Variants in POLA1 observed in about 807,000 individuals in gnomAD.
The protein encoded by POLA1 is DNA polymerase alpha 1, catalytic subunit.
POLA1 carries 15 observed loss-of-function variants against 124.0 expected under a neutral mutation model. That is an observed-to-expected ratio of 0.12 (90% CI 0.08 to 0.19). The LOEUF is 0.19. Ranked by LOEUF, POLA1 falls within the 10% of genes least tolerant of loss-of-function variation. The pLI is 1.00. For synonymous variants in POLA1, 408 were observed against 389.4 expected (o/e 1.05, Z -0.56); for missense variants, 886 against 1,103.4 (o/e 0.80, Z 2.79).
At chrX:24,782,284 A>C (rs779117925) in intron 26 of POLA1, among the ~76,000 whole-genome samples, 1 of 112,172 alleles carries the variant, frequency 8.9e-6, no homozygotes, top group East Asian at 2.8e-4. Context: ...TAGATAATCC[A>C]TGATTAGGAC....
At chrX:24,969,885 C>A (rs1161402556) in intron 36 of POLA1, among the ~76,000 whole-genome samples, 2 of 111,413 alleles carry the variant, frequency 1.8e-5, no homozygotes, top group African/African-American at 6.5e-5. Flanking sequence ...GTGTTCTCAT[C>A]ATTCAGCTCC....
Position 24,706,760 on chromosome X carries a change from T to C in POLA1, c.346+2291T>C, listed in dbSNP as rs184389899. On this transcript the variant is annotated intron_variant, in intron 4 of 36. Coordinates refer to ENST00000379068, the MANE Select transcript of POLA1 (RefSeq NM_001330360.2). Reference sequence around the variant, plus strand: ...ATATCCTAAGGGTCTATAGTCAGAGTATTGTGTTCAGAAGCTATATAAAGT... The same window carrying C: ...ATATCCTAAGGGTCTATAGTCAGAGCATTGTGTTCAGAAGCTATATAAAGT... Among the ~76,000 whole-genome samples, 53 of 112,049 alleles carry C rather than the reference T, an allele frequency of 4.7e-4. 1 individual carries two copies. In the South Asian group the frequency reaches 0.015, roughly 31 times the overall value.
intron 35 of POLA1, among the ~76,000 whole-genome samples, chrX:24,905,653 C>A (rs1178414012): frequency 9.5e-6 from 1 of 105,679 alleles, no homozygotes; most frequent in Non-Finnish European, 1.9e-5. Flanking sequence ...ACCTCCGGTC[C>A]CCGGGCTTAA....
chrX:24,971,565 C>G (rs1422560602), intron 36 of POLA1, among the ~76,000 whole-genome samples: 1 of 112,132 alleles, frequency 8.9e-6, no homozygotes, highest in African/African-American at 3.2e-5. Flanking sequence ...TTGCCTCACA[C>G]TGTCCCCTGG....
At chrX:24,862,966 G>A (rs2046737856) in intron 34 of POLA1, among the ~76,000 whole-genome samples, 2 of 111,780 alleles carry the variant, frequency 1.8e-5, no homozygotes, top group African/African-American at 6.5e-5. Flanking sequence ...ATGCCTTTGG[G>A]AAAACATTCA....
intron 36 of POLA1, among the ~76,000 whole-genome samples, chrX:24,933,337 G>A (rs2047808436): frequency 8.9e-6 from 1 of 111,896 alleles, no homozygotes; most frequent in African/African-American, 3.3e-5. Context: ...TTATAAGTTG[G>A]AGTGAATTCT....
intron 35 of POLA1, among the ~76,000 whole-genome samples, chrX:24,890,371 C>T (rs1321201109): frequency 9.0e-6 from 1 of 111,557 alleles, no homozygotes; most frequent in East Asian, 2.8e-4. Flanking sequence ...CAGGCATGAG[C>T]CACAACACCT....
chrX:24,898,860 G>T (rs892080810), intron 35 of POLA1, among the ~76,000 whole-genome samples: 1 of 111,321 alleles, frequency 9.0e-6, no homozygotes, highest in Non-Finnish European at 1.9e-5. Flanking sequence ...CACTTTTAAT[G>T]ATTCAAAAGA....
intron 26 of POLA1, among the ~76,000 whole-genome samples, chrX:24,775,518 C>T (rs927909928): frequency 4.5e-5 from 5 of 112,152 alleles, no homozygotes; most frequent in East Asian, 2.8e-4. Flanking sequence ...GGTGTACACA[C>T]GAGCACTGTG....
At chrX:24,739,349 G>C in intron 19 of POLA1, 26 bp from the exon 20 acceptor site, 1 of 1,121,288 alleles carries the variant, frequency 8.9e-7, no homozygotes, top group Non-Finnish European at 1.2e-6. Flanking sequence ...CTTTCATGAA[G>C]TTTGCTTTTT....
At chrX:24,812,985 C>A in intron 29 of POLA1, 122 bp downstream of exon 29, 3 of 383,508 alleles carry the variant, frequency 7.8e-6, no homozygotes, top group Non-Finnish European at 1.3e-5. Context: ...TTTTATTATT[C>A]TTATTAATAA....
intron 18 of POLA1, among the ~76,000 whole-genome samples, 174 bp downstream of exon 18, chrX:24,735,662 G>GT (rs201368150): frequency 4.5e-4 from 48 of 106,312 alleles, no homozygotes; most frequent in African/African-American, 4.1e-4. Context: ...CTGCAAGATA[G>GT]TTTTTTTTTT....
chrX:24,972,151 A>G (rs947282279), intron 36 of POLA1, among the ~76,000 whole-genome samples: 1 of 110,091 alleles, frequency 9.1e-6, no homozygotes, highest in Admixed American at 9.7e-5. Context: ...TTGTATTTTC[A>G]GTAGAGACAG....
At chrX:24,751,182 G>C (rs773026432) in intron 26 of POLA1, among the ~76,000 whole-genome samples, 1 of 110,835 alleles carries the variant, frequency 9.0e-6, no homozygotes, top group South Asian at 3.9e-4. Flanking sequence ...CTTGCTGCTG[G>C]GAAATCCCTG....
chrX:24,719,956 G>T (rs529609642), intron 10 of POLA1, among the ~76,000 whole-genome samples: 2 of 109,759 alleles, frequency 1.8e-5, no homozygotes, highest in East Asian at 5.7e-4. Flanking sequence ...CTGCTAGAGG[G>T]ACTGATCAGA....
At chrX:24,845,245 G>GT (rs1412610573) in intron 34 of POLA1, among the ~76,000 whole-genome samples, 2 of 110,927 alleles carry the variant, frequency 1.8e-5, no homozygotes, top group Non-Finnish European at 3.8e-5. Context: ...TGCTTTAATT[G>GT]TTTTTTTGCC....
At chrX:24,949,486 C>T (rs1406122482) in intron 36 of POLA1, among the ~76,000 whole-genome samples, 1 of 108,329 alleles carries the variant, frequency 9.2e-6, no homozygotes, top group African/African-American at 3.4e-5. Flanking sequence ...TTACTATAAG[C>T]ATTTGTTTGC....
chrX:24,793,043 G>A (rs1478106201), intron 26 of POLA1, among the ~76,000 whole-genome samples: 7 of 110,251 alleles, frequency 6.3e-5, no homozygotes, highest in African/African-American at 2.0e-4. Context: ...TTGGGAGGCC[G>A]AGGTGGGTGG....
chrX:24,972,827 G>C (rs1353473415), intron 36 of POLA1, among the ~76,000 whole-genome samples: 1 of 112,609 alleles, frequency 8.9e-6, no homozygotes, highest in Non-Finnish European at 1.9e-5. Context: ...ATCTGTAAAA[G>C]TCAGCAGGCT....
Sources: gnomAD v4.1 joint callset for allele counts (sites outside exome capture counted in the v4.1 genomes callset) on GRCh38, gnomAD v4.1.1 for gene constraint, MANE v1.5 for transcripts, NCBI Gene and HGNC (gene_info 2026-07-23, HGNC 2026-07-21) for gene names.